TENM2: variants seen among roughly 807,000 people sequenced by gnomAD.
The protein encoded by TENM2 is teneurin-2.
Under a neutral mutation model 245.2 loss-of-function variants are expected in TENM2, and 52 were observed. The ratio of observed to expected loss-of-function variants is 0.21; its 90% CI spans 0.17 to 0.27. The LOEUF is 0.27. Ranked by LOEUF, TENM2 falls within the 10% of genes least tolerant of loss-of-function variation. The probability of loss-of-function intolerance (pLI) is 1.00; values close to 1 mark genes in which losing one functional copy is unlikely to be tolerated. For missense variants in TENM2, 3,046 were observed against 3,666.8 expected (o/e 0.83, Z 4.37); for synonymous variants, 1,363 against 1,438.9 (o/e 0.95, Z 1.19).
Position 167,986,702 on chromosome 5 carries a change from C to T in TENM2, c.948-6242C>T, listed in dbSNP as rs934690105. ...ACATTTTTGCTGATGCCTGGAGTCC[C>T]GAGCTGAGCTACTTCCATGACCGAC... On this transcript the variant is annotated intron_variant, in intron 4 of 28. Coordinates refer to ENST00000518659, the Ensembl canonical transcript of TENM2. 2.3e-4 allele frequency among the ~76,000 whole-genome samples: 35 copies of T among 152,146 alleles called. 1 individual carries two copies. The highest frequency in any genetic ancestry group is 1.4e-4 in the African/African-American group (6 of 41,432).
At chr5:167,311,629 C>T (rs1756038855) in intron 1 of TENM2, among the ~76,000 whole-genome samples, 1 of 152,138 alleles carries the variant, frequency 6.6e-6, no homozygotes, top group Non-Finnish European at 1.5e-5. Flanking sequence ...GTTCAGTGAA[C>T]ATCTTTTACA....
At chr5:167,596,006 A>G (rs553792646) in intron 2 of TENM2, among the ~76,000 whole-genome samples, 1 of 152,298 alleles carries the variant, frequency 6.6e-6, no homozygotes, top group African/African-American at 2.4e-5. Flanking sequence ...TTGTTAATGG[A>G]AGCAAAACCT....
chr5:167,781,821 A>C (rs1267451732), intron 2 of TENM2, among the ~76,000 whole-genome samples: 1 of 151,004 alleles, frequency 6.6e-6, no homozygotes, highest in East Asian at 2.0e-4. Flanking sequence ...GTTCAAGACC[A>C]GTCTGGACAA....
the TENM2 span, among the ~76,000 whole-genome samples, chr5:167,025,772 T>C: frequency 2.0e-5 from 3 of 152,318 alleles, no homozygotes; most frequent in East Asian, 5.8e-4. Context: ...AAGAGTAATA[T>C]TACCACATTA....
At chr5:168,189,565 T>G (rs1454019430) in intron 13 of TENM2, among the ~76,000 whole-genome samples, 4 of 152,156 alleles carry the variant, frequency 2.6e-5, no homozygotes, top group Admixed American at 6.5e-5. Context: ...AACCAGAAAC[T>G]ACTGCGGAAA....
chr5:168,182,400 T>A (rs1268549186), intron 13 of TENM2, among the ~76,000 whole-genome samples: 1 of 152,196 alleles, frequency 6.6e-6, no homozygotes, highest in Non-Finnish European at 1.5e-5. Flanking sequence ...ATTCATCATC[T>A]CATTTCACAC....
chr5:167,931,383 C>T (rs182025730), intron 3 of TENM2, among the ~76,000 whole-genome samples: 33 of 152,012 alleles, frequency 2.2e-4, no homozygotes, highest in South Asian at 4.2e-4. Flanking sequence ...TTGGGAAAGC[C>T]TAATTCCTAA....
At position 167,845,103 on chromosome 5, in the gene TENM2, A is replaced by G. The variant is rs573534302; in HGVS notation, c.503-30883A>G. ...CAGTCTTGTTTGTCATTTTTTCCAA[A>G]TTAGGTAAAAATGCATTTTCATTTA... On this transcript the variant is annotated intron_variant, in intron 2 of 28. Coordinates refer to ENST00000518659, the Ensembl canonical transcript of TENM2. Among the ~76,000 whole-genome samples the G allele has an allele frequency of 1.3e-3, 198 of 152,122 alleles. 1 individual carries two copies. The highest frequency in any genetic ancestry group is 4.6e-3 in the African/African-American group (190 of 41,470).
At chr5:168,072,006 C>T (rs12188085) in intron 7 of TENM2, among the ~76,000 whole-genome samples, 13,668 of 152,202 alleles carry the variant, frequency 0.09, 713 homozygotes, top group East Asian at 0.18. Flanking sequence ...TTCTGTTCCT[C>T]GTTAGGGCTT....
chr5:168,073,756 TCTAA>T (rs1331948899), intron 7 of TENM2, among the ~76,000 whole-genome samples: 7 of 152,352 alleles, frequency 4.6e-5, no homozygotes, highest in South Asian at 2.1e-4. Context: ...ACTTACGGTT[TCTAA>T]CTGTTTCCCC....
At chr5:168,180,390 A>G (rs1279445973) in intron 13 of TENM2, among the ~76,000 whole-genome samples, 1 of 152,200 alleles carries the variant, frequency 6.6e-6, no homozygotes, top group African/African-American at 2.4e-5. Context: ...TGACTCCCAA[A>G]TTACATTTGA....
chr5:168,261,885 C>T (rs192599087), intron 28 of TENM2, among the ~76,000 whole-genome samples, 164 bp from the exon 31 acceptor site: 2 of 152,292 alleles, frequency 1.3e-5, no homozygotes, highest in East Asian at 1.9e-4. Flanking sequence ...TGGTAATCAA[C>T]CAGCCAACCA....
exon 29 of TENM2, chr5:168,262,266 G>T (rs748957343): frequency 1.2e-6 from 2 of 1,606,700 alleles, no homozygotes; most frequent in South Asian, 1.1e-5. Context: ...GAAGATAGCC[G>T]CAAGGTGGCA....
chr5:168,204,454 C>A (rs1199176685), exon 19 of TENM2: 1 of 1,614,024 alleles, frequency 6.2e-7, no homozygotes, highest in Non-Finnish European at 8.5e-7. Flanking sequence ...GCAATGGTCG[C>A]CGCCGGAGCA....
intron 3 of TENM2, among the ~76,000 whole-genome samples, chr5:167,904,525 C>T (rs749372587): frequency 2.1e-4 from 32 of 151,894 alleles, no homozygotes; most frequent in Non-Finnish European, 4.1e-4. Context: ...GTACAGAGTC[C>T]CTACCACACG....
chr5:167,595,272 C>G (rs1330534395), intron 2 of TENM2, among the ~76,000 whole-genome samples: 1 of 152,104 alleles, frequency 6.6e-6, no homozygotes, highest in Non-Finnish European at 1.5e-5. Context: ...TGTAAAATTA[C>G]TTTTTACCTT....
At chr5:167,364,050 A>G (rs1196902328) in intron 1 of TENM2, among the ~76,000 whole-genome samples, 2 of 151,256 alleles carry the variant, frequency 1.3e-5, no homozygotes, top group African/African-American at 4.8e-5. Flanking sequence ...CACAGAGAGA[A>G]AAGACATAAA....
At chr5:167,198,640 C>T in the TENM2 span, among the ~76,000 whole-genome samples, 9 of 152,016 alleles carry the variant, frequency 5.9e-5, no homozygotes, top group African/African-American at 2.2e-4. Flanking sequence ...GATTCTGTGT[C>T]CCTTACTTTG....
At chr5:167,324,747 C>T (rs1160114433) in intron 1 of TENM2, among the ~76,000 whole-genome samples, 1 of 151,902 alleles carries the variant, frequency 6.6e-6, no homozygotes, top group East Asian at 1.9e-4. Context: ...CAATGCCTTA[C>T]AATATTACTA....
Sources: gnomAD v4.1 joint callset for allele counts (sites outside exome capture counted in the v4.1 genomes callset) on GRCh38, gnomAD v4.1.1 for gene constraint, MANE v1.5 for transcripts, NCBI Gene and HGNC (gene_info 2026-07-23, HGNC 2026-07-21) for gene names.